Variants in CNTN5 observed in about 807,000 individuals in gnomAD.
The protein encoded by CNTN5 is contactin-5.
In CNTN5, 77 loss-of-function variants were observed where a neutral mutation model predicts 129.1. The observed-to-expected ratio is 0.60, with a 90% CI of 0.50 to 0.72. The LOEUF (loss-of-function observed/expected upper bound fraction) is 0.72. CNTN5 is among the 30% of genes least tolerant of loss of function. CNTN5 has a pLI of 0.00. For synonymous variants in CNTN5, 509 were observed against 465.6 expected (o/e 1.09, Z -1.20); for missense variants, 1,478 against 1,328.8 (o/e 1.11, Z -1.75).
chr11:100,039,760 T>C (rs1003203027), intron 9 of CNTN5, among the ~76,000 whole-genome samples: 9 of 152,252 alleles, frequency 5.9e-5, no homozygotes, highest in South Asian at 2.1e-4. Flanking sequence ...GTTGATGGCA[T>C]TGGCTACTGA....
intron 8 of CNTN5, among the ~76,000 whole-genome samples, chr11:99,959,463 T>C (rs1319912312): frequency 6.6e-6 from 1 of 152,196 alleles, no homozygotes; most frequent in African/African-American, 2.4e-5. Context: ...AGAGATAGTA[T>C]ACTGTCCATC....
intron 13 of CNTN5, among the ~76,000 whole-genome samples, chr11:100,097,322 G>C (rs559239928): frequency 6.6e-6 from 1 of 152,030 alleles, no homozygotes; most frequent in African/African-American, 2.4e-5. Flanking sequence ...TCATGAACCT[G>C]CCTCTCCTAA....
chr11:99,218,907 G>T (rs147014732), intron 1 of CNTN5, among the ~76,000 whole-genome samples: 2 of 152,006 alleles, frequency 1.3e-5, no homozygotes, highest in Admixed American at 1.3e-4. Context: ...AGATTATGAA[G>T]GTAGGAGCCA....
intron 6 of CNTN5, among the ~76,000 whole-genome samples, chr11:99,896,183 A>T (rs1006787901): frequency 1.2e-4 from 19 of 152,200 alleles, no homozygotes; most frequent in Non-Finnish European, 2.6e-4. Flanking sequence ...CATAGCTGAC[A>T]TATGGAGGAA....
At chr11:100,226,257 G>T (rs1949374516) in intron 16 of CNTN5, among the ~76,000 whole-genome samples, 1 of 152,068 alleles carries the variant, frequency 6.6e-6, no homozygotes, top group Admixed American at 6.6e-5. Flanking sequence ...CTCTTGCTAT[G>T]ATCTGTTTTA....
intron 23 of CNTN5, among the ~76,000 whole-genome samples, chr11:100,342,201 C>T (rs969867757): frequency 6.9e-6 from 1 of 145,300 alleles, no homozygotes; most frequent in African/African-American, 2.7e-5. Context: ...CAGTAATGGT[C>T]GGGAATATTG....
intron 1 of CNTN5, among the ~76,000 whole-genome samples, chr11:99,122,375 A>G (rs974797144): frequency 3.3e-5 from 5 of 152,184 alleles, no homozygotes; most frequent in African/African-American, 1.2e-4. Context: ...AATACATCTT[A>G]GGAAAGCTTA....
At chr11:99,567,043 A>C (rs1310565738) in intron 3 of CNTN5, among the ~76,000 whole-genome samples, 1 of 152,198 alleles carries the variant, frequency 6.6e-6, no homozygotes, top group Non-Finnish European at 1.5e-5. Context: ...AGAATCAAAA[A>C]TAATTTGAGG....
intron 2 of CNTN5, among the ~76,000 whole-genome samples, chr11:99,356,669 G>A (rs1322010988): frequency 2.0e-5 from 3 of 152,086 alleles, no homozygotes; most frequent in Non-Finnish European, 4.4e-5. Context: ...ATGATTAAGA[G>A]TCAATAAATA....
intron 3 of CNTN5, among the ~76,000 whole-genome samples, chr11:99,663,597 A>G (rs1952676340): frequency 6.6e-6 from 1 of 152,182 alleles, no homozygotes; most frequent in South Asian, 2.1e-4. Flanking sequence ...CACACATGCC[A>G]AGGGAGAGAG....
intron 3 of CNTN5, among the ~76,000 whole-genome samples, chr11:99,587,251 C>T (rs1374175841): frequency 6.6e-6 from 1 of 152,182 alleles, no homozygotes; most frequent in East Asian, 1.9e-4. Flanking sequence ...TGCACAGGAT[C>T]TCCTCATAGA....
intron 13 of CNTN5, among the ~76,000 whole-genome samples, chr11:100,186,158 G>C (rs571521410): frequency 1.3e-5 from 2 of 152,184 alleles, no homozygotes; most frequent in Admixed American, 6.5e-5. Context: ...CTAGGAGTTT[G>C]AGACCATCAT....
intron 7 of CNTN5, among the ~76,000 whole-genome samples, chr11:99,929,104 A>T (rs1950132343): frequency 6.6e-6 from 1 of 152,172 alleles, no homozygotes; most frequent in South Asian, 2.1e-4. Flanking sequence ...GCTAAAACAT[A>T]GCAAGAGTCA....
chr11:100,000,350 T>G (rs1409859739), intron 8 of CNTN5, among the ~76,000 whole-genome samples: 9 of 152,140 alleles, frequency 5.9e-5, no homozygotes, highest in Non-Finnish European at 1.2e-4. Context: ...ACAGGCCACA[T>G]GCACATACAA....
At chr11:99,784,416 G>T (rs906980183) in intron 3 of CNTN5, among the ~76,000 whole-genome samples, 2 of 151,888 alleles carry the variant, frequency 1.3e-5, no homozygotes, top group Admixed American at 6.6e-5. Context: ...GTATGTTCCT[G>T]TGTTAATTTG....
chr11:99,561,662 C>T (rs1948847073), intron 3 of CNTN5, among the ~76,000 whole-genome samples: 1 of 1,502 alleles, frequency 6.7e-4, no homozygotes, highest in African/African-American at 9.0e-4. Context: ...GATGATATTA[C>T]CCTTGGTATG....
At chr11:99,450,594 AC>A (rs1436887758) in intron 2 of CNTN5, among the ~76,000 whole-genome samples, 1 of 152,060 alleles carries the variant, frequency 6.6e-6, no homozygotes, top group African/African-American at 2.4e-5. Context: ...CACCCCACTA[AC>A]AATGAAAGAG....
chr11:100,288,352 C>G (rs1292679652), intron 18 of CNTN5, among the ~76,000 whole-genome samples: 13 of 152,070 alleles, frequency 8.5e-5, no homozygotes, highest in South Asian at 6.3e-4. Context: ...TGACCACATA[C>G]TTGGAAGTAA....
At chr11:100,032,938 G>T (rs1338133343) in intron 9 of CNTN5, among the ~76,000 whole-genome samples, 3 of 152,084 alleles carry the variant, frequency 2.0e-5, no homozygotes, top group African/African-American at 7.2e-5. Context: ...ATTTTACCTA[G>T]TTTTTTGTTT....
Sources: allele counts gnomAD v4.1 joint callset (sites outside exome capture counted in the v4.1 genomes callset), GRCh38; gene constraint gnomAD v4.1.1; transcripts MANE v1.5; gene names NCBI Gene and HGNC (gene_info 2026-07-23, HGNC 2026-07-21).